Variants in CFAP20DC observed in about 807,000 individuals in gnomAD.
CFAP20DC encodes CFAP20 domain containing.
In CFAP20DC, 84 loss-of-function variants were observed where a neutral mutation model predicts 101.7. That is an observed-to-expected ratio of 0.83 (90% CI 0.69 to 0.99). The LOEUF (loss-of-function observed/expected upper bound fraction) is 0.99. CFAP20DC is among the 50% of genes least tolerant of loss of function. CFAP20DC has a pLI of 0.00. For synonymous variants in CFAP20DC, 359 were observed against 351.2 expected, an observed-to-expected ratio of 1.02 and a Z score of -0.25; for missense variants, 1,007 against 970.3, an observed-to-expected ratio of 1.04 and a Z score of -0.50.
Position 58,947,825 on chromosome 3 carries a change from T to G in CFAP20DC, c.279-10063A>C, listed in dbSNP as rs528874264. On this transcript the variant is annotated intron_variant, in intron 4 of 16. Transcript: ENST00000482387. Reference sequence around the variant, plus strand: ...GACAACAAAGGAGGAAAAGGCAATATAAGAATGTACTATCAGTGACAGCAC... The same window carrying G: ...GACAACAAAGGAGGAAAAGGCAATAGAAGAATGTACTATCAGTGACAGCAC... Among the ~76,000 whole-genome samples, 113 of 152,202 alleles carry G rather than the reference T, an allele frequency of 7.4e-4. 3 individuals carry two copies. The South Asian group carries it at 0.023, about 30-fold the overall frequency.
chr3:58,764,236 A>C (rs1410965375), intron 15 of CFAP20DC, among the ~76,000 whole-genome samples: 1 of 152,070 alleles, frequency 6.6e-6, no homozygotes, highest in East Asian at 1.9e-4. Context: ...TCAGCAATGG[A>C]GGGCGCCCCT....
chr3:58,746,354 A>T (rs1344565808), intron 16 of CFAP20DC, among the ~76,000 whole-genome samples: 4 of 152,122 alleles, frequency 2.6e-5, no homozygotes, highest in African/African-American at 9.7e-5. Flanking sequence ...GGGAACTCAG[A>T]CCTCTGGCAC....
At chr3:58,961,502 G>A (rs1023234748) in intron 4 of CFAP20DC, among the ~76,000 whole-genome samples, 3 of 152,018 alleles carry the variant, frequency 2.0e-5, no homozygotes, top group East Asian at 1.9e-4. Flanking sequence ...TGCAGTGAGC[G>A]AAGATCACGC....
At chr3:58,980,719 G>A (rs1296241045) in intron 4 of CFAP20DC, among the ~76,000 whole-genome samples, 2 of 152,082 alleles carry the variant, frequency 1.3e-5, no homozygotes, top group East Asian at 1.9e-4. Flanking sequence ...AATAATAAGA[G>A]CCATCTATGA....
intron 3 of CFAP20DC, among the ~76,000 whole-genome samples, chr3:58,719,408 AG>A (rs1266640572): frequency 6.6e-6 from 1 of 152,232 alleles, no homozygotes; most frequent in African/African-American, 2.4e-5. Context: ...CACCAGCTTC[AG>A]TGACTACCTG....
intron 12 of CFAP20DC, among the ~76,000 whole-genome samples, chr3:58,856,604 G>A (rs1296849836): frequency 1.3e-5 from 2 of 152,094 alleles, no homozygotes; most frequent in African/African-American, 2.4e-5. Context: ...CAGAAAACTC[G>A]AAAGACTGTC....
In CFAP20DC at chr3:58,971,251, T is replaced by G. The variant is rs114918916; in HGVS notation, c.279-33489A>C. ...AAGTACGTTTTTCACAAATCACAAA[T>G]CAGTTAAGGATTCACAATTATCAAC... On this transcript the variant is annotated intron_variant, in intron 4 of 16. Transcript: ENST00000482387. The surrounding 1 kb of genome is among the most constrained non-coding windows in gnomAD (Gnocchi z 4.1). Among the ~76,000 whole-genome samples, 1,608 of 152,232 alleles carry G rather than the reference T, an allele frequency of 0.011. 36 individuals carry two copies. The highest frequency in any genetic ancestry group is 0.037 in the African/African-American group (1,535 of 41,538).
chr3:58,779,663 AAATAAAAAAG>A (rs975845682), intron 15 of CFAP20DC, among the ~76,000 whole-genome samples: 2 of 152,188 alleles, frequency 1.3e-5, no homozygotes, highest in Non-Finnish European at 2.9e-5. Flanking sequence ...AGTCTGACAA[AAATAAAAAAG>A]AATAAAAAAG....
chr3:59,047,614 T>C (rs1378218242), intron 1 of CFAP20DC, among the ~76,000 whole-genome samples: 1 of 152,126 alleles, frequency 6.6e-6, no homozygotes, highest in Non-Finnish European at 1.5e-5. Context: ...CACTAAAGGG[T>C]TTAAACGCAA....
chr3:58,742,470 TC>T lies in CFAP20DC; in HGVS notation c.2434del (p.Glu812SerfsTer20). 1 of 1,603,572 alleles carries T rather than the reference TC, an allele frequency of 6.2e-7. No individual in the cohort carries two copies. Among genetic ancestry groups the T allele is most frequent in the African/African-American group, 1.3e-5 (1 of 74,634 alleles). ...YFDPQTGKYYELV is the reference protein window; with the variant it reads ...YFDPQTGKYYXLV ...CCCCGGAAGGAGGCATTATACCAAC[TC>T]ATAGTATTTCCCTGTTTGGGGGTCA... is the stretch of plus-strand genomic sequence containing the variant. On this transcript the variant is annotated frameshift_variant, in exon 17 of 17. Transcript: ENST00000482387. LOFTEE classifies it high-confidence loss of function.
chr3:58,931,371 A>T (rs1005155456), intron 5 of CFAP20DC, among the ~76,000 whole-genome samples: 1 of 152,246 alleles, frequency 6.6e-6, no homozygotes, highest in African/African-American at 2.4e-5. Flanking sequence ...AGACAGCAGT[A>T]ACCTCTGCAG....
intron 15 of CFAP20DC, among the ~76,000 whole-genome samples, chr3:58,781,851 G>A (rs905849739): frequency 6.6e-6 from 1 of 151,508 alleles, no homozygotes; most frequent in Non-Finnish European, 1.5e-5. Flanking sequence ...ATTCCACCAA[G>A]CTTTCAAAGA....
chr3:58,812,802 C>T (rs1257260010), intron 14 of CFAP20DC, among the ~76,000 whole-genome samples: 1 of 151,702 alleles, frequency 6.6e-6, no homozygotes, highest in Admixed American at 6.6e-5. Context: ...TCACATTTAT[C>T]ATTATTATTA....
At chr3:58,739,335 A>C (rs2067829294), downstream of CFAP20DC, among the ~76,000 whole-genome samples, 1 of 152,232 alleles carries the variant, frequency 6.6e-6, no homozygotes, top group East Asian at 1.9e-4. Flanking sequence ...CGATTATATG[A>C]AACAAGGAAC....
chr3:59,043,265 G>A (rs1219782768), intron 3 of CFAP20DC, among the ~76,000 whole-genome samples: 1 of 152,014 alleles, frequency 6.6e-6, no homozygotes, highest in Non-Finnish European at 1.5e-5. Flanking sequence ...GGGAAAAGAG[G>A]AAGAACCACA....
chr3:58,749,740 T>C (rs2068442278), intron 16 of CFAP20DC, among the ~76,000 whole-genome samples: 1 of 152,204 alleles, frequency 6.6e-6, no homozygotes, highest in Admixed American at 6.5e-5. Context: ...CTGGTAAGCA[T>C]GAATAATTTA....
intron 12 of CFAP20DC, chr3:58,862,529 G>T: frequency 1.0e-6 from 1 of 985,290 alleles, no homozygotes; most frequent in Non-Finnish European, 1.2e-6. Flanking sequence ...TCCTCTACGC[G>T]CTTTGCTGAA....
intron 12 of CFAP20DC, among the ~76,000 whole-genome samples, chr3:58,850,141 A>C (rs181622441): frequency 3.3e-5 from 5 of 152,226 alleles, no homozygotes; most frequent in Admixed American, 6.5e-5. Flanking sequence ...AATTACAAAC[A>C]TGAAATCAAT....
chr3:58,809,653 A>G, intron 14 of CFAP20DC, among the ~76,000 whole-genome samples: 1 of 152,202 alleles, frequency 6.6e-6, no homozygotes, highest in Non-Finnish European at 1.5e-5. Context: ...CTAGAAAAGC[A>G]AGAGCAAACA....
Sources: allele counts gnomAD v4.1 joint callset (sites outside exome capture counted in the v4.1 genomes callset), GRCh38; gene constraint gnomAD v4.1.1; non-coding constraint Gnocchi (gnomAD v3.1); transcripts MANE v1.5; gene names NCBI Gene and HGNC (gene_info 2026-07-23, HGNC 2026-07-21).